Variants in RBFOX1 observed in about 807,000 individuals in gnomAD.
RBFOX1 encodes the protein RNA binding fox-1 homolog 1.
Under a neutral mutation model 57.7 loss-of-function variants are expected in RBFOX1, and 8 were observed. The ratio of observed to expected loss-of-function variants is 0.14; its 90% CI spans 0.08 to 0.25. The LOEUF (loss-of-function observed/expected upper bound fraction) is 0.25, where lower values mean the gene tolerates loss of function less well. Among genes scored for constraint, RBFOX1 ranks in the 10% least tolerant of loss-of-function variants. RBFOX1 has a pLI of 1.00. For missense variants in RBFOX1, 611 were observed against 548.5 expected, an observed-to-expected ratio of 1.11 and a Z score of -1.14; for synonymous variants, 326 against 222.4, an observed-to-expected ratio of 1.47 and a Z score of -4.15.
At position 7,623,923 on chromosome 16, in the gene RBFOX1, G is replaced by A. The variant is rs558983549; in HGVS notation, c.677-6680G>A. ...ATTTTAACTTAATTACAGCTTTAAAGATCTCTCTGCAAGTAAAGTCACATT... is the reference window on the plus strand; with the variant it reads ...ATTTTAACTTAATTACAGCTTTAAAAATCTCTCTGCAAGTAAAGTCACATT... On this transcript the variant is annotated intron_variant, in intron 10 of 15. Transcript: ENST00000550418. 5.9e-5 allele frequency among the ~76,000 whole-genome samples: 9 copies of A among 152,250 alleles called. No homozygotes were observed. In the East Asian group the frequency reaches 1.7e-3, roughly 29 times the overall value.
intron 2 of RBFOX1, among the ~76,000 whole-genome samples, chr16:6,446,767 T>C (rs766314105): frequency 1.3e-5 from 2 of 152,200 alleles, no homozygotes; most frequent in Non-Finnish European, 2.9e-5. Flanking sequence ...TTATTTAGTG[T>C]CTGCATTATA....
intron 2 of RBFOX1, among the ~76,000 whole-genome samples, chr16:6,515,429 T>A (rs2096356629): frequency 6.6e-6 from 1 of 152,224 alleles, no homozygotes; most frequent in South Asian, 2.1e-4. Flanking sequence ...CCTCCCATTT[T>A]GGTCCTGGAC....
At chr16:6,431,367 G>A (rs996754258) in intron 2 of RBFOX1, among the ~76,000 whole-genome samples, 3 of 151,950 alleles carry the variant, frequency 2.0e-5, no homozygotes, top group Non-Finnish European at 4.4e-5. Context: ...GGAAAGAAAA[G>A]TCTTTCCACA....
At chr16:7,096,789 G>A (rs1198472428) in intron 4 of RBFOX1, among the ~76,000 whole-genome samples, 1 of 151,870 alleles carries the variant, frequency 6.6e-6, no homozygotes, top group Non-Finnish European at 1.5e-5. Context: ...AAAATTAGTT[G>A]GGAGTGATGG....
chr16:6,673,336 C>T (rs752973303), intron 3 of RBFOX1, among the ~76,000 whole-genome samples: 1 of 152,154 alleles, frequency 6.6e-6, no homozygotes, highest in Non-Finnish European at 1.5e-5. Flanking sequence ...GCCTGTAATC[C>T]CAGCACTTTG....
At chr16:5,415,326 G>A (rs2067133199) in intron 1 of RBFOX1, among the ~76,000 whole-genome samples, 1 of 152,156 alleles carries the variant, frequency 6.6e-6, no homozygotes, top group South Asian at 2.1e-4. Context: ...ACCAGCTCTG[G>A]TGAGAACTCC....
At chr16:5,245,708 A>T (rs2062281769) in intron 1 of RBFOX1, among the ~76,000 whole-genome samples, 1 of 152,212 alleles carries the variant, frequency 6.6e-6, no homozygotes, top group African/African-American at 2.4e-5. Flanking sequence ...CTGGGATTAT[A>T]GGCATGAGCC....
At chr16:7,121,265 A>G (rs1195307459) in intron 4 of RBFOX1, among the ~76,000 whole-genome samples, 1 of 152,098 alleles carries the variant, frequency 6.6e-6, no homozygotes, top group African/African-American at 2.4e-5. Context: ...CTTACTCACT[A>G]CAATAAGGAA....
intron 4 of RBFOX1, among the ~76,000 whole-genome samples, chr16:7,195,388 A>G (rs1394558877): frequency 1.3e-5 from 2 of 152,180 alleles, no homozygotes; most frequent in African/African-American, 4.8e-5. Flanking sequence ...CTGTAAGAGT[A>G]TCAAAGACAT....
chr16:7,090,408 C>T (rs1436482902), intron 4 of RBFOX1, among the ~76,000 whole-genome samples: 1 of 152,114 alleles, frequency 6.6e-6, no homozygotes, highest in Non-Finnish European at 1.5e-5. Flanking sequence ...CTTCTCTAGA[C>T]TGACTTTGTC....
intron 4 of RBFOX1, among the ~76,000 whole-genome samples, chr16:7,207,702 G>A (rs539121664): frequency 1.3e-4 from 20 of 152,196 alleles, no homozygotes; most frequent in African/African-American, 4.6e-4. Context: ...CAACAACTGT[G>A]GAGCTACCTA....
intron 3 of RBFOX1, among the ~76,000 whole-genome samples, chr16:5,767,705 T>A (rs2053836981): frequency 6.6e-6 from 1 of 152,134 alleles, no homozygotes; most frequent in Non-Finnish European, 1.5e-5. Context: ...AAGGCATAAA[T>A]GAAGCTTTGT....
At chr16:5,296,895 T>C (rs771769755) in intron 1 of RBFOX1, among the ~76,000 whole-genome samples, 6 of 152,080 alleles carry the variant, frequency 3.9e-5, no homozygotes, top group Non-Finnish European at 7.4e-5. Flanking sequence ...GTCAGGCTGG[T>C]CTCGAACTCC....
chr16:5,879,656 G>A (rs2151915383), intron 4 of RBFOX1, among the ~76,000 whole-genome samples: 1 of 152,290 alleles, frequency 6.6e-6, no homozygotes, highest in Non-Finnish European at 1.5e-5. Context: ...TCATACATTA[G>A]TCAGGAGAGG....
At chr16:6,837,747 C>A (rs2093203324) in intron 3 of RBFOX1, among the ~76,000 whole-genome samples, 1 of 152,166 alleles carries the variant, frequency 6.6e-6, no homozygotes, top group Non-Finnish European at 1.5e-5. Context: ...CTTTAAATGT[C>A]CATGAATACT....
intron 3 of RBFOX1, among the ~76,000 whole-genome samples, chr16:5,760,960 C>T (rs1040364433): frequency 6.6e-6 from 1 of 152,068 alleles, no homozygotes; most frequent in Non-Finnish European, 1.5e-5. Flanking sequence ...CTGAATTATT[C>T]ACTTTAAAAT....
intron 1 of RBFOX1, among the ~76,000 whole-genome samples, chr16:5,285,460 C>A (rs992701512): frequency 6.6e-6 from 1 of 151,962 alleles, no homozygotes; most frequent in African/African-American, 2.4e-5. Context: ...CATAGATTTT[C>A]TTTTTATTGG....
At chr16:5,567,635 CAAAAAAAAAAAA>C (rs34858401) in intron 2 of RBFOX1, among the ~76,000 whole-genome samples, 3 of 63,154 alleles carry the variant, frequency 4.8e-5, no homozygotes, top group East Asian at 1.2e-3. Context: ...AGGTTATAGG[CAAAAAAAAAAAA>C]AAAAAAAAAA....
chr16:6,767,554 A>G (rs1408126021), intron 3 of RBFOX1, among the ~76,000 whole-genome samples: 1 of 152,170 alleles, frequency 6.6e-6, no homozygotes, highest in African/African-American at 2.4e-5. Context: ...TCTGATGAAT[A>G]CAATAATGTC....
Sources: gnomAD v4.1 joint callset for allele counts (sites outside exome capture counted in the v4.1 genomes callset) on GRCh38, gnomAD v4.1.1 for gene constraint, MANE v1.5 for transcripts, NCBI Gene and HGNC (gene_info 2026-07-23, HGNC 2026-07-21) for gene names.